The following KMT2C variants were observed in gnomAD, a reference collection of about 807,000 sequenced individuals.
The protein encoded by KMT2C is lysine methyltransferase 2C, also known as histone-lysine N-methyltransferase 2C.
A neutral mutation model predicts 507.9 loss-of-function variants in KMT2C; 88 were observed. That is an observed-to-expected ratio of 0.17 (90% CI 0.15 to 0.21). The LOEUF (loss-of-function observed/expected upper bound fraction) is 0.21. KMT2C is among the 10% of genes least tolerant of loss of function. The pLI is 1.00. For synonymous variants in KMT2C, 2,049 were observed against 2,080.8 expected, an observed-to-expected ratio of 0.98 and a Z score of 0.42; for missense variants, 4,954 against 5,957.8, an observed-to-expected ratio of 0.83 and a Z score of 5.55.
chr7:152,254,542 A>G (rs147249947), intron 9 of KMT2C, among the ~76,000 whole-genome samples: 2 of 152,340 alleles, frequency 1.3e-5, no homozygotes, highest in African/African-American at 4.8e-5. Context: ...CCCATTACTA[A>G]TAACTCTTGA....
intron 1 of KMT2C, among the ~76,000 whole-genome samples, chr7:152,393,052 G>T (rs2097512372): frequency 6.6e-6 from 1 of 152,218 alleles, no homozygotes. Context: ...AGCCATGACT[G>T]CATCACTGCA....
Position 152,389,083 on chromosome 7 carries a change from C to T in KMT2C, c.162-30408G>A, listed in dbSNP as rs112666752. 3.9e-4 allele frequency among the ~76,000 whole-genome samples: 52 copies of T among 133,986 alleles called. No homozygotes were observed. The East Asian group carries it at 4.4e-3, about 11-fold the overall frequency. The allele number at this position is 133,986 out of a possible 152,430, so 87.9% of individuals were successfully genotyped here. ...ATTTTTAGTAGAGATGGGGTTTCAC[C>T]GTGTTAGCAAGGATAGTCTCGACCT... On this transcript the variant is annotated intron_variant, in intron 1 of 58. Transcript: ENST00000262189.
intron 2 of KMT2C, among the ~76,000 whole-genome samples, chr7:152,352,550 G>A (rs2097122358): frequency 6.6e-6 from 1 of 152,130 alleles, no homozygotes; most frequent in South Asian, 2.1e-4. Context: ...GTCTCCCCCG[G>A]ATGCCCAGCT....
At chr7:152,426,438 T>C (rs1015465712) in intron 1 of KMT2C, among the ~76,000 whole-genome samples, 11 of 151,958 alleles carry the variant, frequency 7.2e-5, no homozygotes, top group African/African-American at 2.4e-4. Flanking sequence ...GATCTCACTA[T>C]GTTGCCCAGG....
At chr7:152,275,557 C>T (rs2096066399) in intron 6 of KMT2C, among the ~76,000 whole-genome samples, 1 of 152,112 alleles carries the variant, frequency 6.6e-6, no homozygotes, top group South Asian at 2.1e-4. Context: ...TTTTGGCACT[C>T]AAGGGTATTA....
rs1466648734 is a variant in KMT2C, at chr7:152,176,459, T to G, written c.8994A>C (p.Ser2998=). ...QVNPGLIPGQ[S]TVNHSLGTGK... Reference sequence around the variant, plus strand: ...CTGTCCCCAGACTGTGGTTAACTGTTGATTGACCTGGAATGAGCCCTGGGT... The same window carrying G: ...CTGTCCCCAGACTGTGGTTAACTGTGGATTGACCTGGAATGAGCCCTGGGT... The change falls in exon 38 of 59, where the codon TCA becomes TCC. Residue 2998 remains serine (S), a synonymous_variant. Coordinates refer to ENST00000262189, the MANE Select transcript of KMT2C (RefSeq NM_170606.3). 1.2e-6 allele frequency: 2 copies of G among 1,614,160 alleles called. No homozygotes were observed. Among genetic ancestry groups the G allele is most frequent in the East Asian group, 2.2e-5 (1 of 44,876 alleles).
In KMT2C at chr7:152,176,371, G is replaced by A. The variant is rs1472367254; in HGVS notation, c.9082C>T (p.Pro3028Ser). 2.5e-6 allele frequency: 4 copies of A among 1,614,118 alleles called. No individual in the cohort carries two copies. The highest frequency in any genetic ancestry group is 1.7e-5 in the Admixed American group (1 of 60,024). ...SQSGTSSMSG[P>S]QQLMIPQTLA... The stretch of plus-strand genomic sequence containing the variant: ...GTTTGAGGAATCATTAGCTGTTGGG[G>A]TCCAGACATGCTACTGGTACCAGAC... The change falls in exon 38 of 59, where the codon CCC (proline) becomes TCC (serine). Residue 3028 changes from proline to serine, a missense_variant. Physicochemically the swap from Pro to Ser is moderately conservative, Grantham distance 74. Transcript: ENST00000262189.
At chr7:152,365,736 A>C (rs1297409854) in intron 1 of KMT2C, among the ~76,000 whole-genome samples, 2 of 152,152 alleles carry the variant, frequency 1.3e-5, no homozygotes, top group Non-Finnish European at 2.9e-5. Context: ...ACTCCAGCTT[A>C]ATTTGATTAG....
chr7:152,298,806 A>T (rs1186733159), intron 6 of KMT2C, among the ~76,000 whole-genome samples: 1 of 152,226 alleles, frequency 6.6e-6, no homozygotes, highest in Non-Finnish European at 1.5e-5. Context: ...AATATTACAG[A>T]GTTTATAACA....
In KMT2C at chr7:152,135,441, A is replaced by C; in HGVS notation, c.*1391T>G. The C allele has an allele frequency of 4.6e-6, 1 of 219,506 alleles. No homozygotes were observed. The highest frequency in any genetic ancestry group is 9.2e-6 in the Non-Finnish European group (1 of 109,156). 13.6% of individuals were successfully genotyped at this position (219,506 alleles called of 1,614,324 possible). Reference sequence around the variant, plus strand: ...ATGTAAACAAACAGTTCATACAAACACATTTTAAAATTACATCTTCCAAAA... The same window carrying C: ...ATGTAAACAAACAGTTCATACAAACCCATTTTAAAATTACATCTTCCAAAA... On this transcript the variant is annotated 3_prime_UTR_variant, in exon 59 of 59. Transcript: ENST00000262189.
chr7:152,157,941 T>C, intron 44 of KMT2C: 1 of 1,309,614 alleles, frequency 7.6e-7, no homozygotes, highest in Non-Finnish European at 1.0e-6. Context: ...AAAAAACACA[T>C]TTAAGAGTAA....
chr7:152,420,498 C>T (rs569279926), intron 1 of KMT2C, among the ~76,000 whole-genome samples: 54 of 152,284 alleles, frequency 3.5e-4, no homozygotes, highest in Admixed American at 1.0e-3. Context: ...ACAGAGTAAA[C>T]AGACAACCTA....
At chr7:152,297,692 G>A (rs1439415822) in intron 6 of KMT2C, among the ~76,000 whole-genome samples, 1 of 151,998 alleles carries the variant, frequency 6.6e-6, no homozygotes, top group African/African-American at 2.4e-5. Context: ...GAATGAAACG[G>A]TTTATAAGTA....
chr7:152,268,107 C>T (rs2095889079), intron 7 of KMT2C, among the ~76,000 whole-genome samples: 1 of 152,072 alleles, frequency 6.6e-6, no homozygotes, highest in East Asian at 1.9e-4. Flanking sequence ...TGGTGAAACC[C>T]CATCTCTACT....
intron 9 of KMT2C, among the ~76,000 whole-genome samples, chr7:152,256,170 AAAAAT>A (rs916144518): frequency 6.6e-6 from 1 of 152,178 alleles, no homozygotes; most frequent in African/African-American, 2.4e-5. Flanking sequence ...ACTCTATCTC[AAAAAT>A]AAAATAAACA....
At chr7:152,210,127 G>A (rs1467701400) in intron 23 of KMT2C, among the ~76,000 whole-genome samples, 2 of 152,004 alleles carry the variant, frequency 1.3e-5, no homozygotes, top group African/African-American at 4.8e-5. Flanking sequence ...CAGACCCCAC[G>A]TTTCCCCACT....
chr7:152,378,747 T>G (rs1224451898), intron 1 of KMT2C, among the ~76,000 whole-genome samples: 1 of 152,168 alleles, frequency 6.6e-6, no homozygotes, highest in East Asian at 1.9e-4. Context: ...AAAGAGTAAT[T>G]ATGAACCATG....
At chr7:152,364,862 T>G (rs968753236) in intron 1 of KMT2C, among the ~76,000 whole-genome samples, 5 of 150,824 alleles carry the variant, frequency 3.3e-5, no homozygotes, top group African/African-American at 1.2e-4. Flanking sequence ...AGTGAAATAA[T>G]TAGCTGTAAA....
At chr7:152,238,069 G>T (rs2095315417) in intron 15 of KMT2C, among the ~76,000 whole-genome samples, 1 of 152,240 alleles carries the variant, frequency 6.6e-6, no homozygotes, top group Admixed American at 6.5e-5. Flanking sequence ...GTATAATCTA[G>T]AATTCCTTAA....
Sources: gnomAD v4.1 joint callset for allele counts (sites outside exome capture counted in the v4.1 genomes callset) on GRCh38, gnomAD v4.1.1 for gene constraint, MANE v1.5 for transcripts, NCBI Gene and HGNC (gene_info 2026-07-23, HGNC 2026-07-21) for gene names.